The following DOK5 variants were observed in gnomAD, a reference collection of about 807,000 sequenced individuals.
DOK5 encodes the protein docking protein 5, also known as downstream of tyrosine kinase 5.
DOK5 carries 27 observed loss-of-function variants against 43.3 expected under a neutral mutation model. The observed-to-expected ratio is 0.62, with a 90% CI of 0.46 to 0.86. DOK5 has a LOEUF of 0.86. Ranked by LOEUF, DOK5 falls within the 40% of genes least tolerant of loss-of-function variation. DOK5 has a pLI of 0.00. For missense variants in DOK5, 373 were observed against 392.9 expected, an observed-to-expected ratio of 0.95 and a Z score of 0.43; for synonymous variants, 146 against 140.1, an observed-to-expected ratio of 1.04 and a Z score of -0.30.
intron 1 of DOK5, among the ~76,000 whole-genome samples, chr20:54,552,550 T>C (rs1600697544): frequency 6.6e-6 from 1 of 152,098 alleles, no homozygotes; most frequent in African/African-American, 2.4e-5. Flanking sequence ...ATGTACTACA[T>C]GTTTACTATA....
At chr20:54,526,617 T>C (rs1298821454) in intron 1 of DOK5, among the ~76,000 whole-genome samples, 1 of 152,154 alleles carries the variant, frequency 6.6e-6, no homozygotes, top group Non-Finnish European at 1.5e-5. Flanking sequence ...CCCCAAAATT[T>C]AAGAACACAA....
chr20:54,643,160 A>G (rs1979203979), intron 6 of DOK5, among the ~76,000 whole-genome samples: 1 of 152,206 alleles, frequency 6.6e-6, no homozygotes, highest in African/African-American at 2.4e-5. Flanking sequence ...CACCAGCCCA[A>G]CCCTAAAGTG....
intron 1 of DOK5, among the ~76,000 whole-genome samples, chr20:54,519,936 A>T (rs1983334676): frequency 1.3e-5 from 2 of 152,200 alleles, no homozygotes. Flanking sequence ...TCAAAAGAGA[A>T]TCCTGTTGTC....
intron 2 of DOK5, among the ~76,000 whole-genome samples, chr20:54,566,907 A>G (rs1361770594): frequency 1.3e-5 from 2 of 152,322 alleles, no homozygotes; most frequent in African/African-American, 4.8e-5. Context: ...AGTCATTCTA[A>G]TAGTGACATT....
intron 2 of DOK5, among the ~76,000 whole-genome samples, chr20:54,576,564 T>C (rs574226706): frequency 1.3e-5 from 2 of 152,344 alleles, no homozygotes; most frequent in African/African-American, 4.8e-5. Context: ...TGTTCCTCTA[T>C]ATGGTTACCA....
chr20:54,573,416 G>C (rs548769675), intron 2 of DOK5, among the ~76,000 whole-genome samples: 1 of 152,088 alleles, frequency 6.6e-6, no homozygotes, highest in Non-Finnish European at 1.5e-5. Context: ...GGCGAGGCGC[G>C]GTGGCTCATG....
At chr20:54,614,556 C>T (rs558352934) in intron 6 of DOK5, among the ~76,000 whole-genome samples, 12 of 152,342 alleles carry the variant, frequency 7.9e-5, no homozygotes, top group African/African-American at 2.4e-4. Context: ...TCTGCATGCT[C>T]ATGCACATGT....
Position 54,621,666 on chromosome 20 carries a change from G to A in DOK5, c.735+11143G>A, listed in dbSNP as rs1455567698. Among the ~76,000 whole-genome samples the A allele has an allele frequency of 2.0e-5, 3 of 151,000 alleles. No homozygotes were observed. In the East Asian group the frequency reaches 5.9e-4, roughly 30 times the overall value. ...ATTGCACCACTGCGCTCTAGCCTGG[G>A]CAATAGAACGAGACTCGGCCTCAAA... On this transcript the variant is annotated intron_variant, in intron 6 of 7. Transcript: ENST00000262593.
intron 2 of DOK5, among the ~76,000 whole-genome samples, chr20:54,586,329 C>A (rs1446054199): frequency 6.6e-6 from 1 of 152,116 alleles, no homozygotes; most frequent in African/African-American, 2.4e-5. Flanking sequence ...ACACTAAGGC[C>A]AGGGCACATT....
intron 5 of DOK5, among the ~76,000 whole-genome samples, chr20:54,599,245 G>T (rs6023396): frequency 6.6e-6 from 1 of 152,076 alleles, no homozygotes; most frequent in Non-Finnish European, 1.5e-5. Flanking sequence ...TCTAACACAA[G>T]TTTGCTCAGG....
chr20:54,588,398 C>A, intron 2 of DOK5, 85 bp from the exon 3 acceptor site: 1 of 1,090,240 alleles, frequency 9.2e-7, no homozygotes, highest in Non-Finnish European at 1.4e-6. Flanking sequence ...CTGTGCCATA[C>A]TGATTTCCGG....
chr20:54,483,346 T>C (rs1415736903), intron 1 of DOK5, among the ~76,000 whole-genome samples: 1 of 152,254 alleles, frequency 6.6e-6, no homozygotes, highest in Non-Finnish European at 1.5e-5. Context: ...TTCATTGGAA[T>C]ATATTTTCTT....
At chr20:54,590,920 G>C (rs986772083) in intron 4 of DOK5, among the ~76,000 whole-genome samples, 7 of 152,088 alleles carry the variant, frequency 4.6e-5, no homozygotes, top group African/African-American at 1.7e-4. Flanking sequence ...GTATCTGCAG[G>C]GATGAAAATT....
At chr20:54,510,412 G>C (rs1489151197) in intron 1 of DOK5, among the ~76,000 whole-genome samples, 3 of 152,064 alleles carry the variant, frequency 2.0e-5, no homozygotes, top group Non-Finnish European at 4.4e-5. Flanking sequence ...TAGATTTAAA[G>C]AGAGAAGAAA....
At chr20:54,528,604 A>G (rs941650113) in intron 1 of DOK5, among the ~76,000 whole-genome samples, 12 of 152,194 alleles carry the variant, frequency 7.9e-5, no homozygotes, top group African/African-American at 2.7e-4. Flanking sequence ...AAAACTTCTT[A>G]TATCTCCTTG....
At chr20:54,621,597 G>C (rs915931953) in intron 6 of DOK5, among the ~76,000 whole-genome samples, 5 of 152,098 alleles carry the variant, frequency 3.3e-5, no homozygotes, top group African/African-American at 1.2e-4. Flanking sequence ...GCTGAGGCAG[G>C]AGAATCGCTT....
chr20:54,502,357 A>G (rs1461461361), intron 1 of DOK5, among the ~76,000 whole-genome samples: 1 of 152,226 alleles, frequency 6.6e-6, no homozygotes, highest in East Asian at 1.9e-4. Flanking sequence ...GTAAACCAGA[A>G]AATAGATGAA....
intron 6 of DOK5, among the ~76,000 whole-genome samples, chr20:54,624,289 G>A (rs1039332948): frequency 3.3e-5 from 5 of 152,178 alleles, no homozygotes; most frequent in Admixed American, 1.3e-4. Context: ...CACTGAGTGT[G>A]AGCCTAGTGT....
intron 2 of DOK5, among the ~76,000 whole-genome samples, chr20:54,570,816 A>G (rs117908366): frequency 0.014 from 2,191 of 152,338 alleles, 51 homozygotes; most frequent in South Asian, 0.081. Context: ...AGAAATTTCA[A>G]CAGTTTCCCG....
Sources: gnomAD v4.1 joint callset for allele counts (sites outside exome capture counted in the v4.1 genomes callset) on GRCh38, gnomAD v4.1.1 for gene constraint, MANE v1.5 for transcripts, NCBI Gene and HGNC (gene_info 2026-07-23, HGNC 2026-07-21) for gene names.